Variants in PLOD2 observed in about 807,000 individuals in gnomAD.
PLOD2 encodes lysine hydroxylase 2.
Under a neutral mutation model 101.0 loss-of-function variants are expected in PLOD2, and 65 were observed. The observed-to-expected ratio is 0.64, with a 90% CI of 0.53 to 0.79. The LOEUF (loss-of-function observed/expected upper bound fraction) is 0.79, where lower values mean the gene tolerates loss of function less well. Among genes scored for constraint, PLOD2 ranks in the 30% least tolerant of loss-of-function variants. The pLI, the probability that PLOD2 is intolerant of heterozygous loss-of-function variation, is 0.00. For synonymous variants in PLOD2, 314 were observed against 302.9 expected, an observed-to-expected ratio of 1.04 and a Z score of -0.38; for missense variants, 909 against 914.6, an observed-to-expected ratio of 0.99 and a Z score of 0.08.
At chr3:146,110,526 C>G in intron 3 of PLOD2, 78 bp from the exon 4 acceptor site, 1 of 1,185,596 alleles carries the variant, frequency 8.4e-7, no homozygotes, top group East Asian at 2.4e-5. Flanking sequence ...AGTTCTCTAA[C>G]AAAAGTCAGA....
Position 146,078,975 on chromosome 3 carries a change from A to T in PLOD2, c.1500+141T>A, listed in dbSNP as rs1462640976. 1.3e-5 allele frequency: 10 copies of T among 761,840 alleles called. 1 individual carries two copies. Among genetic ancestry groups the T allele is most frequent in the Non-Finnish European group, 2.3e-5 (10 of 434,982 alleles). The allele number at this position is 761,840 out of a possible 1,614,324, so 47.2% of individuals were successfully genotyped here. A position where few individuals can be genotyped will look rare whatever the true frequency, so the allele number is the denominator to read the frequency against. ...AAATTATCTCCAAAATTACTCCCAA[A>T]TTTTTTAACACAGAACCAAAAAAAT... On this transcript the variant is annotated intron_variant, in intron 13 of 19. Coordinates refer to ENST00000282903, the MANE Select transcript of PLOD2 (RefSeq NM_182943.3).
intron 1 of PLOD2, among the ~76,000 whole-genome samples, chr3:146,148,604 A>C (rs2031911466): frequency 6.6e-6 from 1 of 152,204 alleles, no homozygotes; most frequent in Admixed American, 6.5e-5. Context: ...TAAAAACATC[A>C]TCCTCAAATT....
intron 2 of PLOD2, among the ~76,000 whole-genome samples, chr3:146,121,618 T>C (rs2030162472): frequency 6.6e-6 from 1 of 152,164 alleles, no homozygotes; most frequent in African/African-American, 2.4e-5. Context: ...GAAATCTTTA[T>C]GATCAACATT....
chr3:146,121,081 G>C (rs1392151371), intron 3 of PLOD2, 31 bp downstream of exon 3: 1 of 1,476,360 alleles, frequency 6.8e-7, no homozygotes, highest in East Asian at 2.3e-5. Context: ...ATTGAATATA[G>C]ATTTTAAAAT....
At chr3:146,083,067 AAAT>A (rs1936619643) in intron 11 of PLOD2, among the ~76,000 whole-genome samples, 1 of 152,206 alleles carries the variant, frequency 6.6e-6, no homozygotes, top group Non-Finnish European at 1.5e-5. Context: ...TTAATTTGGG[AAAT>A]AATTCAATAT....
At chr3:146,083,212 A>C (rs1936624210) in intron 11 of PLOD2, among the ~76,000 whole-genome samples, 1 of 152,210 alleles carries the variant, frequency 6.6e-6, no homozygotes, top group African/African-American at 2.4e-5. Context: ...GTGAATAAAA[A>C]TGTAAGGATG....
At chr3:146,080,787 A>AGTT (rs759914411) in intron 12 of PLOD2, among the ~76,000 whole-genome samples, 1 of 152,164 alleles carries the variant, frequency 6.6e-6, no homozygotes, top group African/African-American at 2.4e-5. Flanking sequence ...CAGAAACAAC[A>AGTT]GAATACGATC....
chr3:146,145,042 T>G (rs922569075), intron 1 of PLOD2, among the ~76,000 whole-genome samples: 1 of 152,152 alleles, frequency 6.6e-6, no homozygotes, highest in Admixed American at 6.5e-5. Context: ...TAGTTCTTAC[T>G]GATTTCTACT....
chr3:146,104,422 C>A, intron 5 of PLOD2, 80 bp from the exon 6 acceptor site: 2 of 783,438 alleles, frequency 2.6e-6, no homozygotes, highest in South Asian at 1.4e-5. Context: ...ATAGTTTGTT[C>A]TTTGAGGGAA....
intron 8 of PLOD2, among the ~76,000 whole-genome samples, chr3:146,091,436 C>T (rs1982382): frequency 0.78 from 118,044 of 151,814 alleles, 45,969 homozygotes; most frequent in East Asian, 0.83. Flanking sequence ...TACATATCAA[C>T]TTTGAAAATC....
chr3:146,140,361 A>C (rs934525943), intron 1 of PLOD2, among the ~76,000 whole-genome samples: 6 of 152,068 alleles, frequency 3.9e-5, no homozygotes, highest in Non-Finnish European at 7.4e-5. Context: ...CTCATCAGAA[A>C]ACTGCTCCCC....
At chr3:146,093,706 T>C (rs929872770) in intron 7 of PLOD2, among the ~76,000 whole-genome samples, 2 of 152,140 alleles carry the variant, frequency 1.3e-5, no homozygotes, top group Non-Finnish European at 2.9e-5. Context: ...CTATTATATA[T>C]AAAGACTGGT....
At chr3:146,133,506 C>A (rs958798194) in intron 1 of PLOD2, among the ~76,000 whole-genome samples, 2 of 152,092 alleles carry the variant, frequency 1.3e-5, no homozygotes, top group Non-Finnish European at 2.9e-5. Flanking sequence ...TCTACTTCTG[C>A]GTCTCAACAA....
At chr3:146,092,543 C>A (rs1457106787) in intron 7 of PLOD2, among the ~76,000 whole-genome samples, 1 of 152,016 alleles carries the variant, frequency 6.6e-6, no homozygotes, top group Non-Finnish European at 1.5e-5. Flanking sequence ...CTGACAAATC[C>A]TAGTGACAGT....
intron 1 of PLOD2, among the ~76,000 whole-genome samples, chr3:146,142,564 T>C (rs1271388209): frequency 6.6e-6 from 1 of 152,074 alleles, no homozygotes; most frequent in East Asian, 1.9e-4. Context: ...ATAAAAACAC[T>C]ACAAACCTGA....
In PLOD2 at chr3:146,083,580, T is replaced by C. The variant is rs967064180; in HGVS notation, c.1232+1589A>G. Among the ~76,000 whole-genome samples, 9 of 108,492 alleles carry C rather than the reference T, an allele frequency of 8.3e-5. 1 individual carries two copies. Among genetic ancestry groups the C allele is most frequent in the African/African-American group, 2.4e-4 (7 of 29,722 alleles). 71.2% of individuals were successfully genotyped at this position (108,492 alleles called of 152,430 possible). On this transcript the variant is annotated intron_variant, in intron 11 of 19. Transcript: ENST00000282903. Reference sequence around the variant, plus strand: ...CAGATGGCAGGTAAGTCTTTTTCTTTTTTTTTTTTTTTTTTTTTTGAGACG... The same window carrying C: ...CAGATGGCAGGTAAGTCTTTTTCTTCTTTTTTTTTTTTTTTTTTTGAGACG...
intron 3 of PLOD2, 146 bp from the exon 4 acceptor site, chr3:146,110,594 CAA>C (rs1449371292): frequency 1.8e-6 from 1 of 558,220 alleles, no homozygotes; most frequent in African/African-American, 1.9e-5. Flanking sequence ...GAACACCAAA[CAA>C]AATTTCTCTC....
chr3:146,128,647 T>G (rs1414552531), intron 1 of PLOD2, among the ~76,000 whole-genome samples: 1 of 152,018 alleles, frequency 6.6e-6, no homozygotes, highest in Non-Finnish European at 1.5e-5. Flanking sequence ...TCAATTTGTT[T>G]AGAAAGGCCA....
intron 4 of PLOD2, 30 bp downstream of exon 4, chr3:146,110,255 A>C: frequency 6.2e-7 from 1 of 1,601,270 alleles, no homozygotes; most frequent in Non-Finnish European, 8.6e-7. Flanking sequence ...TATAACTTGC[A>C]TTAAACTTTT....
Sources: allele counts gnomAD v4.1 joint callset (sites outside exome capture counted in the v4.1 genomes callset), GRCh38; gene constraint gnomAD v4.1.1; transcripts MANE v1.5; gene names NCBI Gene and HGNC (gene_info 2026-07-23, HGNC 2026-07-21).